The following DMD variants were observed in gnomAD, a reference collection of about 807,000 sequenced individuals.
DMD encodes the protein dystrophin, also known as mutant dystrophin.
Under a neutral mutation model 330.1 loss-of-function variants are expected in DMD, and 63 were observed. The ratio of observed to expected loss-of-function variants is 0.19; its 90% confidence interval spans 0.16 to 0.24. The LOEUF is 0.24. Ranked by LOEUF, DMD falls within the 10% of genes least tolerant of loss-of-function variation. DMD has a pLI of 1.00. For missense variants in DMD, 3,344 were observed against 2,684.1 expected, an observed-to-expected ratio of 1.25 and a Z score of -5.43; for synonymous variants, 1,223 against 959.8, an observed-to-expected ratio of 1.27 and a Z score of -5.07.
intron 74 of DMD, among the ~76,000 whole-genome samples, chrX:31,164,672 T>TG (rs1175211427): frequency 9.0e-6 from 1 of 111,155 alleles, no homozygotes; most frequent in Admixed American, 9.6e-5. Flanking sequence ...CCCCCCAGCT[T>TG]GATTTCCTCG....
chrX:32,269,069 C>G (rs973610797), intron 43 of DMD, among the ~76,000 whole-genome samples: 1 of 111,042 alleles, frequency 9.0e-6, no homozygotes. Flanking sequence ...AGCAGCTTCC[C>G]GATAAGATCG....
chrX:31,546,775 C>T (rs1374608242), intron 55 of DMD, among the ~76,000 whole-genome samples: 1 of 112,069 alleles, frequency 8.9e-6, no homozygotes, highest in African/African-American at 3.2e-5. Flanking sequence ...AACAGAATAG[C>T]CCCCTATCTA....
In DMD at chrX:32,729,376, A is replaced by T. The variant is rs139679435; in HGVS notation, c.650-30083T>A. Among the ~76,000 whole-genome samples the T allele has an allele frequency of 1.5e-3, 168 of 112,117 alleles. 1 individual carries two copies. The highest frequency in any genetic ancestry group is 5.3e-3 in the African/African-American group (162 of 30,857). ...TAACATTGCCCAATATTTAGTCTTG[A>T]GGCACAAAGTCAACCATTAATGTAG... On this transcript the variant is annotated intron_variant, in intron 7 of 78. Transcript: ENST00000357033.
Position 31,138,093 on chromosome X carries a change from C to A in DMD, c.10922-3899G>T, listed in dbSNP as rs145181677. On this transcript the variant is annotated intron_variant, in intron 76 of 78. Coordinates refer to ENST00000357033, the MANE Select transcript of DMD (RefSeq NM_004006.3). ...CTTTGGAAAATGGAATGTAAGCGGG[C>A]ATGACAAAAGTAGAGGCTTAGAATG... is the stretch of plus-strand genomic sequence containing the variant. Among the ~76,000 whole-genome samples the A allele has an allele frequency of 4.6e-3, 517 of 111,746 alleles. 6 individuals carry two copies. The highest frequency in any genetic ancestry group is 0.016 in the African/African-American group (478 of 30,685).
At chrX:32,793,473 C>T (rs994555568) in intron 7 of DMD, among the ~76,000 whole-genome samples, 4 of 107,528 alleles carry the variant, frequency 3.7e-5, no homozygotes, top group African/African-American at 1.4e-4. Flanking sequence ...GCAAAAAATA[C>T]AAAGTATCAA....
intron 65 of DMD, among the ~76,000 whole-genome samples, chrX:31,208,632 A>C (rs1303601787): frequency 8.9e-6 from 1 of 112,007 alleles, no homozygotes; most frequent in Non-Finnish European, 1.9e-5. Flanking sequence ...AAAAGGTATA[A>C]ATTTTAGTTC....
chrX:31,456,892 T>A (rs1184077052), intron 59 of DMD, among the ~76,000 whole-genome samples: 2 of 98,283 alleles, frequency 2.0e-5, no homozygotes, highest in Non-Finnish European at 4.1e-5. Flanking sequence ...ATATATATAT[T>A]ATATACCTAT....
At chrX:31,179,520 G>C (rs938634430) in intron 69 of DMD, among the ~76,000 whole-genome samples, 4 of 112,376 alleles carry the variant, frequency 3.6e-5, no homozygotes, top group Non-Finnish European at 7.5e-5. Context: ...AGCATGCAAA[G>C]TTTAGAGAAG....
chrX:32,575,910 C>G (rs1237780377), intron 13 of DMD, among the ~76,000 whole-genome samples: 1 of 111,994 alleles, frequency 8.9e-6, no homozygotes, highest in African/African-American at 3.2e-5. Context: ...AGCATCTTCT[C>G]TCTAGTGCTA....
intron 62 of DMD, among the ~76,000 whole-genome samples, chrX:31,298,269 A>G (rs1204922544): frequency 8.9e-6 from 1 of 111,865 alleles, no homozygotes; most frequent in Admixed American, 9.5e-5. Flanking sequence ...ATTACCTACT[A>G]CTGGTGTGAT....
intron 52 of DMD, among the ~76,000 whole-genome samples, chrX:31,695,563 C>G (rs1436335328): frequency 1.1e-5 from 1 of 91,335 alleles, no homozygotes; most frequent in South Asian, 4.6e-4. Flanking sequence ...CTATGTACCC[C>G]AAAAAATTAA....
chrX:32,603,943 C>A (rs2056447907), intron 12 of DMD, among the ~76,000 whole-genome samples: 1 of 111,135 alleles, frequency 9.0e-6, no homozygotes, highest in South Asian at 3.7e-4. Flanking sequence ...GGTACCAATC[C>A]TATTGTAACT....
At chrX:32,339,795 A>C (rs1279658504) in intron 41 of DMD, among the ~76,000 whole-genome samples, 1 of 112,303 alleles carries the variant, frequency 8.9e-6, no homozygotes, top group Non-Finnish European at 1.9e-5. Context: ...AAAGACATGA[A>C]AGATGAACTT....
At chrX:33,218,582 C>T (rs1171977854) in intron 1 of DMD, among the ~76,000 whole-genome samples, 2 of 110,779 alleles carry the variant, frequency 1.8e-5, no homozygotes, top group African/African-American at 6.6e-5. Context: ...GACTATGATG[C>T]GTCTAAGCAT....
chrX:32,887,770 A>AAAAAAAAAAAAAAAAAAAAC lies in DMD; in HGVS notation c.94-37951_94-37950insGTTTTTTTTTTTTTTTTTTT, dbSNP rs1383701636. Among the ~76,000 whole-genome samples, 123 of 70,355 alleles carry AAAAAAAAAAAAAAAAAAAAC rather than the reference A, an allele frequency of 1.7e-3. 16 individuals are homozygous for AAAAAAAAAAAAAAAAAAAAC. Among genetic ancestry groups the AAAAAAAAAAAAAAAAAAAAC allele is most frequent in the Non-Finnish European group, 2.8e-3 (96 of 34,636 alleles). 61.1% of individuals were successfully genotyped at this position (70,355 alleles called of 115,157 possible). ...CAAAAAAAAAAAAAAAAAAAAAAAA[A>AAAAAAAAAAAAAAAAAAAAC]AAAAAACATCAACTAAAAGCTTATG... On this transcript the variant is annotated intron_variant, in intron 2 of 78. Coordinates refer to ENST00000357033, the MANE Select transcript of DMD (RefSeq NM_004006.3).
intron 50 of DMD, among the ~76,000 whole-genome samples, chrX:31,795,830 C>T (rs982353918): frequency 8.9e-6 from 1 of 111,863 alleles, no homozygotes; most frequent in Non-Finnish European, 1.9e-5. Flanking sequence ...AAAAAAGGTA[C>T]TTACACAAAT....
chrX:32,480,583 T>C (rs188593327), intron 21 of DMD, among the ~76,000 whole-genome samples: 41 of 111,649 alleles, frequency 3.7e-4, no homozygotes, highest in African/African-American at 1.3e-3. Flanking sequence ...CGTGAGTATT[T>C]ACACAGTATG....
intron 2 of DMD, among the ~76,000 whole-genome samples, chrX:32,928,206 A>T (rs1819371306): frequency 9.0e-6 from 1 of 110,536 alleles, no homozygotes; most frequent in Admixed American, 9.7e-5. Flanking sequence ...AGCTACTTTG[A>T]GGTAATTTTT....
intron 1 of DMD, among the ~76,000 whole-genome samples, chrX:33,301,725 G>T (rs2053665336): frequency 9.0e-6 from 1 of 111,250 alleles, no homozygotes. Context: ...GGAAGTGATG[G>T]AAAAATATAA....
Sources: allele counts gnomAD v4.1 joint callset (sites outside exome capture counted in the v4.1 genomes callset), GRCh38; gene constraint gnomAD v4.1.1; transcripts MANE v1.5; gene names NCBI Gene and HGNC (gene_info 2026-07-23, HGNC 2026-07-21).